The following NECAB1 variants were observed in gnomAD, a reference collection of about 807,000 sequenced individuals.
The protein encoded by NECAB1 is N-terminal EF-hand calcium-binding protein 1.
Under a neutral mutation model 57.5 loss-of-function variants are expected in NECAB1, and 29 were observed. The ratio of observed to expected loss-of-function variants is 0.50; its 90% confidence interval spans 0.38 to 0.69. NECAB1 has a LOEUF of 0.69. Among genes scored for constraint, NECAB1 ranks in the 30% least tolerant of loss-of-function variants. NECAB1 has a pLI of 0.00. For synonymous variants in NECAB1, 142 were observed against 147.7 expected (o/e 0.96, Z 0.28); for missense variants, 372 against 413.8 (o/e 0.90, Z 0.88).
At chr8:90,832,911 A>G (rs1397535432) in intron 3 of NECAB1, among the ~76,000 whole-genome samples, 2 of 152,174 alleles carry the variant, frequency 1.3e-5, no homozygotes, top group African/African-American at 4.8e-5. Context: ...AAATCAAAAT[A>G]TTCCAAGGCA....
At chr8:90,906,340 A>G (rs1206893686) in intron 5 of NECAB1, among the ~76,000 whole-genome samples, 4 of 152,206 alleles carry the variant, frequency 2.6e-5, no homozygotes, top group African/African-American at 9.6e-5. Context: ...GACTGAGAAG[A>G]CTTATTTGTC....
Position 90,816,839 on chromosome 8 carries a change from C to A in NECAB1, c.125-7878C>A, listed in dbSNP as rs1048423597. On this transcript the variant is annotated intron_variant, in intron 2 of 12. Transcript: ENST00000417640. ...CTTTTTTGGAATCAATTTTTAAACACCACAGAGTACTTTCCTGGGATTTTG... is the reference window on the plus strand; with the variant it reads ...CTTTTTTGGAATCAATTTTTAAACAACACAGAGTACTTTCCTGGGATTTTG... 6.9e-4 allele frequency among the ~76,000 whole-genome samples: 104 copies of A among 151,614 alleles called. 1 individual carries two copies. Among genetic ancestry groups the A allele is most frequent in the Non-Finnish European group, 1.9e-4 (13 of 67,666 alleles).
At position 90,870,505 on chromosome 8, in the gene NECAB1, C is replaced by A. The variant is rs7821107; in HGVS notation, c.234-1623C>A. Among the ~76,000 whole-genome samples the A allele has an allele frequency of 1.6e-4, 25 of 152,096 alleles. 1 individual carries two copies. Among genetic ancestry groups the A allele is most frequent in the African/African-American group, 5.8e-4 (24 of 41,532 alleles). On this transcript the variant is annotated intron_variant, in intron 3 of 12. Coordinates refer to ENST00000417640, the MANE Select transcript of NECAB1 (RefSeq NM_022351.5). Reference sequence around the variant, plus strand: ...TGAAATTGAATGCTCTTCATACTTTCAATTTTTATTACAGTGTTTCTTTTA... The same window carrying A: ...TGAAATTGAATGCTCTTCATACTTTAAATTTTTATTACAGTGTTTCTTTTA...
rs182035446 is a variant in NECAB1 at position 90,922,574 on chromosome 8, C to G, written c.495-2961C>G. Among the ~76,000 whole-genome samples the G allele has an allele frequency of 5.6e-5, 8 of 143,468 alleles. No homozygotes were observed. The East Asian group carries it at 1.8e-3, about 32-fold the overall frequency. The allele number at this position is 143,468 out of a possible 152,430, so 94.1% of individuals were successfully genotyped here. On this transcript the variant is annotated intron_variant, in intron 6 of 12. Transcript: ENST00000417640. ...GGGGCACAATCTCTGCTCACTGCAACCTCCGCCTCCCGGGTTCAAGCAATT... is the reference window on the plus strand; with the variant it reads ...GGGGCACAATCTCTGCTCACTGCAAGCTCCGCCTCCCGGGTTCAAGCAATT...
intron 3 of NECAB1, among the ~76,000 whole-genome samples, chr8:90,851,806 T>G (rs753082508): frequency 1.3e-5 from 2 of 152,206 alleles, no homozygotes; most frequent in Admixed American, 6.5e-5. Flanking sequence ...AAGTTTACAT[T>G]AGAGCTTACT....
At chr8:90,933,504 C>T (rs748626524) in intron 8 of NECAB1, among the ~76,000 whole-genome samples, 29 of 152,236 alleles carry the variant, frequency 1.9e-4, no homozygotes, top group Non-Finnish European at 4.3e-4. Context: ...TATATTCTCA[C>T]TCATAAGTGG....
chr8:90,879,046 T>G (rs1360253263), intron 4 of NECAB1, among the ~76,000 whole-genome samples: 1 of 139,466 alleles, frequency 7.2e-6, no homozygotes, highest in Non-Finnish European at 1.5e-5. Context: ...TATTTATTAT[T>G]TATATAATAT....
intron 2 of NECAB1, among the ~76,000 whole-genome samples, chr8:90,820,540 G>A (rs1017526510): frequency 5.9e-5 from 9 of 151,818 alleles, no homozygotes; most frequent in Non-Finnish European, 1.3e-4. Flanking sequence ...AGTGTTTTGA[G>A]AGCATAATCA....
intron 11 of NECAB1, among the ~76,000 whole-genome samples, chr8:90,950,828 A>G (rs1810910974): frequency 6.6e-6 from 1 of 152,120 alleles, no homozygotes; most frequent in African/African-American, 2.4e-5. Context: ...TTGTTTTTAA[A>G]CAAGATATAT....
At chr8:90,949,599 C>G (rs999999220) in intron 10 of NECAB1, among the ~76,000 whole-genome samples, 12 of 152,002 alleles carry the variant, frequency 7.9e-5, no homozygotes, top group African/African-American at 2.9e-4. Flanking sequence ...AAAAAACAAA[C>G]AAATAAACAA....
chr8:90,797,817 C>T (rs1057375424), intron 1 of NECAB1, among the ~76,000 whole-genome samples: 1 of 152,168 alleles, frequency 6.6e-6, no homozygotes, highest in African/African-American at 2.4e-5. Flanking sequence ...CAGAGATCAT[C>T]TCATCAAGAT....
At chr8:90,838,763 A>C (rs989966033) in intron 3 of NECAB1, among the ~76,000 whole-genome samples, 5 of 152,094 alleles carry the variant, frequency 3.3e-5, no homozygotes, top group Admixed American at 2.6e-4. Context: ...GAATGAAACA[A>C]CTCTATTCAA....
intron 3 of NECAB1, among the ~76,000 whole-genome samples, chr8:90,846,721 A>T (rs1186294510): frequency 6.6e-6 from 1 of 152,218 alleles, no homozygotes; most frequent in Non-Finnish European, 1.5e-5. Flanking sequence ...AAGGCAAAAG[A>T]GGAGCAAGTC....
At position 90,916,393 on chromosome 8, in the gene NECAB1, A is replaced by T. The variant is rs558403963; in HGVS notation, c.358-1099A>T. On this transcript the variant is annotated intron_variant, in intron 5 of 12. Transcript: ENST00000417640. ...TTACTTAGTGATTTATAAGTGGGAA[A>T]ACTGAGAACCAGGAAGGTTAGATAC... 1.6e-4 allele frequency among the ~76,000 whole-genome samples: 25 copies of T among 152,272 alleles called. 1 individual carries two copies. In the South Asian group the frequency reaches 5.2e-3, roughly 32 times the overall value.
chr8:90,955,174 T>TAGAATCTAATA (rs1811008929), intron 12 of NECAB1, among the ~76,000 whole-genome samples: 1 of 131,664 alleles, frequency 7.6e-6, no homozygotes, highest in African/African-American at 2.8e-5. Flanking sequence ...CAGTGTTGGG[T>TAGAATCTAATA]AGATTCTAAT....
chr8:90,814,358 T>C (rs1388932596), intron 2 of NECAB1, among the ~76,000 whole-genome samples: 1 of 152,168 alleles, frequency 6.6e-6, no homozygotes, highest in East Asian at 1.9e-4. Flanking sequence ...TTGTCAGCTT[T>C]CTCCACTGGA....
intron 7 of NECAB1, 107 bp downstream of exon 7, chr8:90,925,763 T>C: frequency 7.0e-7 from 1 of 1,419,600 alleles, no homozygotes; most frequent in African/African-American, 1.4e-5. Context: ...TGGAACACTT[T>C]CCTTATACCA....
At chr8:90,872,210 T>C (rs1213153202) in intron 4 of NECAB1, 57 bp downstream of exon 4, 7 of 1,303,558 alleles carry the variant, frequency 5.4e-6, no homozygotes, top group South Asian at 1.4e-5. Context: ...GGAAAAAGAG[T>C]ATTGTCTGAT....
At chr8:90,858,636 A>C (rs1314032096) in intron 3 of NECAB1, among the ~76,000 whole-genome samples, 1 of 151,516 alleles carries the variant, frequency 6.6e-6, no homozygotes, top group African/African-American at 2.4e-5. Context: ...AAAAAAAAAA[A>C]CAGCAAATGT....
Sources: allele counts gnomAD v4.1 joint callset (sites outside exome capture counted in the v4.1 genomes callset), GRCh38; gene constraint gnomAD v4.1.1; transcripts MANE v1.5; gene names NCBI Gene and HGNC (gene_info 2026-07-23, HGNC 2026-07-21).